Variants in CHRNA4 observed in about 807,000 individuals in gnomAD.
The protein encoded by CHRNA4 is cholinergic receptor nicotinic alpha 4 subunit.
CHRNA4 carries 28 observed loss-of-function variants against 48.9 expected under a neutral mutation model. The ratio of observed to expected loss-of-function variants is 0.57; its 90% CI spans 0.42 to 0.79. The LOEUF is 0.79. Ranked by LOEUF, CHRNA4 falls within the 30% of genes least tolerant of loss-of-function variation. The probability of loss-of-function intolerance (pLI) is 0.00; values close to 1 mark genes in which losing one functional copy is unlikely to be tolerated. For missense variants in CHRNA4, 859 were observed against 898.4 expected, an observed-to-expected ratio of 0.96 and a Z score of 0.56; for synonymous variants, 425 against 402.3, an observed-to-expected ratio of 1.06 and a Z score of -0.68.
rs750232429 is a variant in CHRNA4, at chr20:63,350,843, C to T, written c.568G>A (p.Asp190Asn). Reference protein sequence around the residue: ...GSWTYDKAKIDLVNMHSRVDQ... With the variant: ...GSWTYDKAKINLVNMHSRVDQ... ...ACGCGGCTGTGCATGTTCACCAGGT[C>T]GATCTTGGCCTTGTCGTAGGTCCAG... The change falls in exon 5 of 6, where the codon GAC becomes AAC. Residue 190 changes from aspartate (D) to asparagine (N), a missense_variant. Physicochemically the swap from Asp to Asn is conservative, Grantham distance 23 (BLOSUM62 1). Coordinates refer to ENST00000370263, the MANE Select transcript of CHRNA4 (RefSeq NM_000744.7). 3.1e-6 allele frequency: 5 copies of T among 1,613,920 alleles called. No homozygotes were observed. Among genetic ancestry groups the T allele is most frequent in the Non-Finnish European group, 4.2e-6 (5 of 1,180,016 alleles).
Position 63,346,639 on chromosome 20 carries a change from C to T in CHRNA4, c.*99G>A, listed in dbSNP as rs1242513915. 1 of 1,512,448 alleles carries T rather than the reference C, an allele frequency of 6.6e-7. No homozygotes were observed. The highest frequency in any genetic ancestry group is 1.2e-5 in the South Asian group (1 of 83,854). The allele number at this position is 1,512,448 out of a possible 1,614,324, so 93.7% of individuals were successfully genotyped here. A position where few individuals can be genotyped will look rare whatever the true frequency, so the allele number is the denominator to read the frequency against. On this transcript the variant is annotated 3_prime_UTR_variant, in exon 6 of 6. Transcript: ENST00000370263. ...GGAAAATTTGGCAAACGTGTGGCCC[C>T]ACAGAGTCCAGGGAGAAGCCAGCCC...
chr20:63,353,271 C>T (rs1388319895), intron 4 of CHRNA4, among the ~76,000 whole-genome samples: 1 of 152,200 alleles, frequency 6.6e-6, no homozygotes, highest in Non-Finnish European at 1.5e-5. Context: ...CGGGAGCAGA[C>T]CCAGCACCAG....
Position 63,343,403 on chromosome 20 carries a change from G to A in CHRNA4, c.*3335C>T, listed in dbSNP as rs910364059. On this transcript the variant is annotated 3_prime_UTR_variant, in exon 6 of 6. Transcript: ENST00000370263. ...CATCCCCAGGTGCTGTGTGTGCTGCGCCTGATCCAGCATTTCTGGTGCAAG... is the reference window on the plus strand; with the variant it reads ...CATCCCCAGGTGCTGTGTGTGCTGCACCTGATCCAGCATTTCTGGTGCAAG... 15 of 453,998 alleles carry A rather than the reference G, an allele frequency of 3.3e-5. No homozygotes were observed. Among genetic ancestry groups the A allele is most frequent in the Middle Eastern group, 6.8e-4 (1 of 1,466 alleles). The allele number at this position is 453,998 out of a possible 1,614,324, so 28.1% of individuals were successfully genotyped here.
intron 2 of CHRNA4, among the ~76,000 whole-genome samples, chr20:63,358,273 G>A (rs907965002): frequency 2.0e-5 from 3 of 152,206 alleles, no homozygotes; most frequent in African/African-American, 7.2e-5. Flanking sequence ...CTGTCCGCGG[G>A]AATGTGGCTG....
In CHRNA4 at chr20:63,346,711, C is replaced by T. The variant is rs1343945141; in HGVS notation, c.*27G>A. On this transcript the variant is annotated 3_prime_UTR_variant, in exon 6 of 6. Coordinates refer to ENST00000370263, the MANE Select transcript of CHRNA4 (RefSeq NM_000744.7). Reference sequence around the variant, plus strand: ...ATGCTGGCCCCGTGCACGGCAGCCCCAGGCCACGCAGGCTCCCGGTCCCTT... The same window carrying T: ...ATGCTGGCCCCGTGCACGGCAGCCCTAGGCCACGCAGGCTCCCGGTCCCTT... 2 of 1,595,270 alleles carry T rather than the reference C, an allele frequency of 1.3e-6. No individual in the cohort carries two copies. Among genetic ancestry groups the T allele is most frequent in the Non-Finnish European group, 1.7e-6 (2 of 1,175,030 alleles).
rs1219932250 is a variant in CHRNA4, at chr20:63,345,030, G to A, written c.*1708C>T. 2 of 449,248 alleles carry A rather than the reference G, an allele frequency of 4.5e-6. No homozygotes were observed. Among genetic ancestry groups the A allele is most frequent in the Non-Finnish European group, 4.5e-6 (1 of 222,858 alleles). 27.8% of individuals were successfully genotyped at this position (449,248 alleles called of 1,614,324 possible). ...CACCCGGGGGTGGGGGTGACCAGCA[G>A]CAGTTCAGAGGCAGGTGTGGGCAAT... On this transcript the variant is annotated 3_prime_UTR_variant, in exon 6 of 6. Transcript: ENST00000370263. This position sits in a 1 kb window ranked among gnomAD's most constrained non-coding sequence, Gnocchi z 5.4.
At chr20:63,356,943 A>T (rs1375183254) in intron 2 of CHRNA4, among the ~76,000 whole-genome samples, 1 of 147,768 alleles carries the variant, frequency 6.8e-6, no homozygotes, top group Non-Finnish European at 1.5e-5. Context: ...GCCCCTTCCG[A>T]CCCACCCCAC....
intron 4 of CHRNA4, among the ~76,000 whole-genome samples, chr20:63,352,662 A>T (rs946910526): frequency 2.0e-5 from 3 of 152,168 alleles, no homozygotes; most frequent in Non-Finnish European, 2.9e-5. Context: ...AAATTAAAAG[A>T]TTCTCATATG....
At chr20:63,359,435 C>T (rs1392540980) in intron 2 of CHRNA4, 113 bp downstream of exon 2, 38 of 1,373,242 alleles carry the variant, frequency 2.8e-5, no homozygotes, top group Admixed American at 7.3e-5. Context: ...CCGGGCCGGA[C>T]ACTCACAGCC....
Position 63,349,691 on chromosome 20 carries a change from T to C in CHRNA4, c.1720A>G (p.Ile574Val), listed in dbSNP as rs748328796. 11 of 1,612,766 alleles carry C rather than the reference T, an allele frequency of 6.8e-6. No homozygotes were observed. Among genetic ancestry groups the C allele is most frequent in the East Asian group, 4.5e-5 (2 of 44,856 alleles). ...TCTTCGGCCTTCAGGTGGTCTGCAATGTACTGGACGCCCTCCACCGCCCGG... is the reference window on the plus strand; with the variant it reads ...TCTTCGGCCTTCAGGTGGTCTGCAACGTACTGGACGCCCTCCACCGCCCGG... ...LTRAVEGVQY[I>V]ADHLKAEDTD... Residue 574 changes from isoleucine (I) to valine (V), a missense_variant, in exon 5 of 6, where the codon ATT becomes GTT. Coordinates refer to ENST00000370263, the MANE Select transcript of CHRNA4 (RefSeq NM_000744.7).
Position 63,359,907 on chromosome 20 carries a change from G to GTGTGTGTGTGTGCCGGGCGTGCGC in CHRNA4, c.77-209_77-208insGCGCACGCCCGGCACACACACACA, listed in dbSNP as rs1555840824. On this transcript the variant is annotated intron_variant, in intron 1 of 5. Transcript: ENST00000370263. Reference sequence around the variant, plus strand: ...TGTGCCGGGCGTGTGCTGTGTGTGTGTGTGTGTGTGTGTGTGTGTGTGCCG... The same window carrying GTGTGTGTGTGTGCCGGGCGTGCGC: ...TGTGCCGGGCGTGTGCTGTGTGTGTGTGTGTGTGTGTGCCGGGCGTGCGCTGTGTGTGTGTGTGTGTGTGTGCCG... 1.2e-3 allele frequency: 536 copies of GTGTGTGTGTGTGCCGGGCGTGCGC among 432,528 alleles called. 3 individuals are homozygous for GTGTGTGTGTGTGCCGGGCGTGCGC. The highest frequency in any genetic ancestry group is 7.6e-3 in the South Asian group (305 of 40,354). 26.8% of individuals were successfully genotyped at this position (432,528 alleles called of 1,614,324 possible). A position where few individuals can be genotyped will look rare whatever the true frequency, so the allele number is the denominator to read the frequency against.
chr20:63,356,643 G>A (rs2068723099), intron 2 of CHRNA4: 6 of 603,310 alleles, frequency 9.9e-6, no homozygotes, highest in South Asian at 1.9e-5. Context: ...ATCTCCAGCA[G>A]GAAACTGGAG....
At position 63,359,789 on chromosome 20, in the gene CHRNA4, G is replaced by A. The variant is rs3818204; in HGVS notation, c.77-90C>T. 0.17 allele frequency: 253,781 copies of A among 1,482,972 alleles called. 24,091 individuals carry two copies. Among genetic ancestry groups the A allele is most frequent in the East Asian group, 0.47 (19,310 of 41,302 alleles). The allele number at this position is 1,482,972 out of a possible 1,614,324, so 91.9% of individuals were successfully genotyped here. On this transcript the variant is annotated intron_variant, in intron 1 of 5. Coordinates refer to ENST00000370263, the MANE Select transcript of CHRNA4 (RefSeq NM_000744.7). Reference sequence around the variant, plus strand: ...GCTCTCCAGGCTGCCCCAGCCCCCTGCCCAGCACGTCCACTTCCTTTCAGC... The same window carrying A: ...GCTCTCCAGGCTGCCCCAGCCCCCTACCCAGCACGTCCACTTCCTTTCAGC...
At position 63,345,539 on chromosome 20, in the gene CHRNA4, C is replaced by A. The variant is rs145198627; in HGVS notation, c.*1199G>T. ...CTGGAAACATTTCAGGCCTCCCTCA[C>A]CTCTGGATACCGCCTGCAGGGGTGA... On this transcript the variant is annotated 3_prime_UTR_variant, in exon 6 of 6. Transcript: ENST00000370263. The surrounding 1 kb of genome is among the most constrained non-coding windows in gnomAD (Gnocchi z 5.4). 1.4e-4 allele frequency: 60 copies of A among 424,798 alleles called. No individual in the cohort carries two copies. In the East Asian group the frequency reaches 4.1e-3, roughly 29 times the overall value. The allele number at this position is 424,798 out of a possible 1,614,324, so 26.3% of individuals were successfully genotyped here. A position where few individuals can be genotyped will look rare whatever the true frequency, so the allele number is the denominator to read the frequency against.
intron 4 of CHRNA4, among the ~76,000 whole-genome samples, chr20:63,352,084 G>C (rs1360624686): frequency 6.6e-6 from 1 of 152,168 alleles, no homozygotes; most frequent in Non-Finnish European, 1.5e-5. Flanking sequence ...CGACGCGTCG[G>C]GGGGAGCGGC....
chr20:63,351,306 C>T (rs564068752), intron 4 of CHRNA4, among the ~76,000 whole-genome samples: 19 of 142,384 alleles, frequency 1.3e-4, no homozygotes, highest in African/African-American at 3.8e-4. Context: ...AAAGGGCTGG[C>T]GGCCTTGCCC....
chr20:63,359,919 G>GCCGGGCGTGCGCGTGCCGGGCGTGCGC (rs2068789364), intron 1 of CHRNA4: 7 of 404,748 alleles, frequency 1.7e-5, no homozygotes, highest in South Asian at 2.2e-5. Flanking sequence ...GTGTGTGTGT[G>GCCGGGCGTGCGCGTGCCGGGCGTGCGC]TGTGTGTGTG....
Position 63,343,259 on chromosome 20 carries a change from C to A in CHRNA4, c.*3479G>T. ...CGTTTTATTCATTGAAGTCTGTGCA[C>A]ACACTGGGAGCACATTCCAGGGCTT... is the stretch of plus-strand genomic sequence containing the variant. On this transcript the variant is annotated 3_prime_UTR_variant, in exon 6 of 6. Coordinates refer to ENST00000370263, the MANE Select transcript of CHRNA4 (RefSeq NM_000744.7). The A allele has an allele frequency of 2.3e-6, 1 of 429,156 alleles. No individual in the cohort carries two copies. The highest frequency in any genetic ancestry group is 4.7e-6 in the Non-Finnish European group (1 of 210,924). 26.6% of individuals were successfully genotyped at this position (429,156 alleles called of 1,614,324 possible).
chr20:63,346,941 C>T (rs1455314970), intron 5 of CHRNA4, 78 bp from the exon 6 acceptor site: 32 of 1,598,316 alleles, frequency 2.0e-5, no homozygotes, highest in East Asian at 4.5e-5. Context: ...CCGGCGCCGC[C>T]GGCAACAGCT....
Sources: gnomAD v4.1 joint callset for allele counts (sites outside exome capture counted in the v4.1 genomes callset) on GRCh38, gnomAD v4.1.1 for gene constraint, Gnocchi (gnomAD v3.1) non-coding constraint, MANE v1.5 for transcripts, NCBI Gene and HGNC (gene_info 2026-07-23, HGNC 2026-07-21) for gene names.